HS6ST3: variants seen among roughly 807,000 people sequenced by gnomAD.
HS6ST3 encodes heparan sulfate 6-O-sulfotransferase 3, also known as heparan-sulfate 6-O-sulfotransferase 3.
In HS6ST3, 12 loss-of-function variants were observed where a neutral mutation model predicts 36.7. The observed-to-expected ratio is 0.33, with a 90% CI of 0.21 to 0.53. HS6ST3 has a LOEUF of 0.53. Among genes scored for constraint, HS6ST3 ranks in the 20% least tolerant of loss-of-function variants. The pLI is 0.95. For synonymous variants in HS6ST3, 240 were observed against 257.5 expected (o/e 0.93, Z 0.65); for missense variants, 584 against 640.9 (o/e 0.91, Z 0.96).
chr13:96,678,343 A>T (rs1157535844), intron 1 of HS6ST3, among the ~76,000 whole-genome samples: 8 of 152,140 alleles, frequency 5.3e-5, no homozygotes, highest in Admixed American at 5.2e-4. Context: ...GACACATTCA[A>T]ACCAAGACAA....
chr13:96,567,519 A>G (rs1306858731), intron 1 of HS6ST3, among the ~76,000 whole-genome samples: 1 of 152,198 alleles, frequency 6.6e-6, no homozygotes, highest in East Asian at 1.9e-4. Context: ...AATGAGTAAT[A>G]ATAAAATACA....
intron 1 of HS6ST3, among the ~76,000 whole-genome samples, chr13:96,161,330 A>T (rs1464731054): frequency 1.3e-5 from 2 of 152,192 alleles, no homozygotes; most frequent in African/African-American, 4.8e-5. Flanking sequence ...GTAGGATCTT[A>T]TCTGGATCTT....
At chr13:96,658,431 C>A (rs1297321362) in intron 1 of HS6ST3, among the ~76,000 whole-genome samples, 4 of 150,984 alleles carry the variant, frequency 2.6e-5, no homozygotes, top group Non-Finnish European at 4.4e-5. Context: ...CAGGCATGCA[C>A]CTCCACGCCT....
intron 1 of HS6ST3, among the ~76,000 whole-genome samples, chr13:96,702,888 C>T (rs1457013836): frequency 1.3e-5 from 2 of 152,136 alleles, no homozygotes; most frequent in Admixed American, 6.6e-5. Flanking sequence ...ATTTCCGAAG[C>T]AGGAATGATA....
intron 1 of HS6ST3, among the ~76,000 whole-genome samples, chr13:96,830,863 C>G (rs1878764634): frequency 6.6e-6 from 1 of 152,154 alleles, no homozygotes; most frequent in Non-Finnish European, 1.5e-5. Context: ...GAGCCAAGGA[C>G]TGAACTAAAA....
intron 1 of HS6ST3, among the ~76,000 whole-genome samples, chr13:96,301,815 T>A (rs575441657): frequency 1.3e-4 from 19 of 151,000 alleles, no homozygotes; most frequent in Middle Eastern, 3.4e-3. Flanking sequence ...CAGGGAGAAT[T>A]GCTTGAACCC....
At chr13:96,425,790 G>C (rs1369057629) in intron 1 of HS6ST3, among the ~76,000 whole-genome samples, 2 of 152,056 alleles carry the variant, frequency 1.3e-5, no homozygotes, top group African/African-American at 4.8e-5. Flanking sequence ...CCAATTACCA[G>C]AATGATTTTT....
At chr13:96,567,167 TTTC>T (rs1306508181) in intron 1 of HS6ST3, among the ~76,000 whole-genome samples, 1 of 152,142 alleles carries the variant, frequency 6.6e-6, no homozygotes, top group African/African-American at 2.4e-5. Flanking sequence ...TCTTCTCTTT[TTTC>T]TTCTTCTTCA....
intron 1 of HS6ST3, among the ~76,000 whole-genome samples, chr13:96,328,576 G>A (rs1408245797): frequency 1.3e-5 from 2 of 151,362 alleles, no homozygotes; most frequent in Non-Finnish European, 3.0e-5. Flanking sequence ...TGCTGGATTC[G>A]GTTTGCCAGT....
chr13:96,489,119 C>T (rs2055931655), intron 1 of HS6ST3, among the ~76,000 whole-genome samples: 1 of 152,012 alleles, frequency 6.6e-6, no homozygotes, highest in Non-Finnish European at 1.5e-5. Context: ...CTCTAAAATA[C>T]ATCTTTATAT....
chr13:96,139,761 A>T (rs1168945816), intron 1 of HS6ST3, among the ~76,000 whole-genome samples: 1 of 152,102 alleles, frequency 6.6e-6, no homozygotes, highest in Non-Finnish European at 1.5e-5. Context: ...TCAACAAAAT[A>T]GTAATTGCCT....
At chr13:96,819,966 C>T (rs1313195234) in intron 1 of HS6ST3, among the ~76,000 whole-genome samples, 2 of 152,026 alleles carry the variant, frequency 1.3e-5, no homozygotes, top group East Asian at 1.9e-4. Flanking sequence ...ATCCCAGGTA[C>T]TTGGGAGGCT....
At chr13:96,581,072 A>C (rs2056340201) in intron 1 of HS6ST3, among the ~76,000 whole-genome samples, 1 of 152,202 alleles carries the variant, frequency 6.6e-6, no homozygotes, top group Admixed American at 6.5e-5. Context: ...TTTCTATTTC[A>C]TACATGCTTT....
intron 1 of HS6ST3, among the ~76,000 whole-genome samples, chr13:96,702,669 A>G (rs555766652): frequency 2.6e-5 from 4 of 152,300 alleles, no homozygotes; most frequent in South Asian, 4.1e-4. Context: ...GAAAAAATGA[A>G]ACTTTGGAGG....
intron 1 of HS6ST3, among the ~76,000 whole-genome samples, chr13:96,395,511 C>T (rs2055416459): frequency 6.6e-6 from 1 of 152,138 alleles, no homozygotes; most frequent in Non-Finnish European, 1.5e-5. Flanking sequence ...TTTTTTTCCT[C>T]CCAGTATGTG....
chr13:96,821,409 G>A lies in HS6ST3; in HGVS notation c.708-11081G>A, dbSNP rs538877257. On this transcript the variant is annotated intron_variant, in intron 1 of 1. Coordinates refer to ENST00000376705, the MANE Select transcript of HS6ST3 (RefSeq NM_153456.4). Reference sequence around the variant, plus strand: ...AGTCATAAACTGAATTTCCAAGACAGCCTGATTTTTACAAGATGATGGAAG... The same window carrying A: ...AGTCATAAACTGAATTTCCAAGACAACCTGATTTTTACAAGATGATGGAAG... Among the ~76,000 whole-genome samples the A allele has an allele frequency of 2.0e-5, 3 of 152,306 alleles. No individual in the cohort carries two copies. In the East Asian group the frequency reaches 5.8e-4, roughly 29 times the overall value.
chr13:96,331,111 C>A (rs2055064049), intron 1 of HS6ST3, among the ~76,000 whole-genome samples: 1 of 152,254 alleles, frequency 6.6e-6, no homozygotes, highest in East Asian at 1.9e-4. Context: ...TTTTCAACTT[C>A]TTTGCCTTTG....
intron 1 of HS6ST3, among the ~76,000 whole-genome samples, chr13:96,703,839 G>T (rs998617068): frequency 2.6e-5 from 4 of 152,044 alleles, no homozygotes; most frequent in African/African-American, 9.7e-5. Context: ...TGGATCATGG[G>T]GGCAGTTTTC....
intron 1 of HS6ST3, among the ~76,000 whole-genome samples, chr13:96,236,257 G>C (rs2054534200): frequency 1.3e-5 from 2 of 152,034 alleles, no homozygotes; most frequent in African/African-American, 4.8e-5. Flanking sequence ...CACTGACTCA[G>C]GTGTTAACCT....
Sources: allele counts gnomAD v4.1 joint callset (sites outside exome capture counted in the v4.1 genomes callset), GRCh38; gene constraint gnomAD v4.1.1; transcripts MANE v1.5; gene names NCBI Gene and HGNC (gene_info 2026-07-23, HGNC 2026-07-21).